The following MACROD2 variants were observed in gnomAD, a reference collection of about 807,000 sequenced individuals.
MACROD2 encodes the protein ADP-ribose glycohydrolase MACROD2.
MACROD2 carries 36 observed loss-of-function variants against 70.4 expected under a neutral mutation model. The ratio of observed to expected loss-of-function variants is 0.51; its 90% CI spans 0.39 to 0.68. MACROD2 has a LOEUF of 0.68. Among genes scored for constraint, MACROD2 ranks in the 30% least tolerant of loss-of-function variants. The pLI, the probability that MACROD2 is intolerant of heterozygous loss-of-function variation, is 0.00. For missense variants in MACROD2, 496 were observed against 538.4 expected, an observed-to-expected ratio of 0.92 and a Z score of 0.78; for synonymous variants, 172 against 178.8, an observed-to-expected ratio of 0.96 and a Z score of 0.30.
At chr20:15,040,317 G>GAAAA (rs11087118) in intron 5 of MACROD2, among the ~76,000 whole-genome samples, 1 of 140,600 alleles carries the variant, frequency 7.1e-6, no homozygotes, top group Non-Finnish European at 1.5e-5. Context: ...TCCGTCTCAG[G>GAAAA]AAAAAAAAAA....
intron 3 of MACROD2, among the ~76,000 whole-genome samples, chr20:14,270,242 C>T (rs537936351): frequency 3.2e-4 from 48 of 151,984 alleles, no homozygotes; most frequent in African/African-American, 9.9e-4. Context: ...TGTCTACATA[C>T]GTGTGTGTGT....
chr20:15,862,560 G>A (rs1044062542), intron 8 of MACROD2, among the ~76,000 whole-genome samples, 185 bp from the exon 9 acceptor site: 17 of 149,516 alleles, frequency 1.1e-4, no homozygotes, highest in South Asian at 8.5e-4. Context: ...GTACACACAC[G>A]CACACACACA....
chr20:15,725,316 A>G (rs1239993968), intron 8 of MACROD2, among the ~76,000 whole-genome samples: 3 of 152,072 alleles, frequency 2.0e-5, no homozygotes, highest in Non-Finnish European at 2.9e-5. Flanking sequence ...TGTTAGATTT[A>G]TATCTAAGTA....
intron 3 of MACROD2, among the ~76,000 whole-genome samples, chr20:14,225,795 A>AT (rs1462144460): frequency 1.3e-5 from 2 of 152,150 alleles, no homozygotes; most frequent in Non-Finnish European, 2.9e-5. Context: ...GATCCAAAAT[A>AT]TTTTTTTAAG....
At chr20:14,466,972 T>C (rs2084459362) in intron 3 of MACROD2, among the ~76,000 whole-genome samples, 1 of 152,182 alleles carries the variant, frequency 6.6e-6, no homozygotes, top group Non-Finnish European at 1.5e-5. Flanking sequence ...GTTAGGCTAC[T>C]CAGGGGTTGG....
chr20:14,034,747 G>T (rs771045862), intron 2 of MACROD2, among the ~76,000 whole-genome samples: 2 of 152,022 alleles, frequency 1.3e-5, no homozygotes, highest in Non-Finnish European at 2.9e-5. Context: ...GTTCTAAGTG[G>T]GTTGCATATT....
At chr20:14,732,589 A>G (rs149936374) in intron 5 of MACROD2, among the ~76,000 whole-genome samples, 1,934 of 152,254 alleles carry the variant, frequency 0.013, 52 homozygotes, top group African/African-American at 0.043. Flanking sequence ...TTTACCAGAA[A>G]TTAAAGTGGC....
intron 5 of MACROD2, among the ~76,000 whole-genome samples, chr20:15,171,314 CACT>C (rs1416068618): frequency 6.6e-6 from 1 of 151,438 alleles, no homozygotes; most frequent in Non-Finnish European, 1.5e-5. Flanking sequence ...CCTCCTCCAC[CACT>C]GTCTCTCTAG....
rs543845946 is a variant in MACROD2 at position 14,320,040 on chromosome 20, A to G, written c.272-173439A>G. On this transcript the variant is annotated intron_variant, in intron 3 of 17. Transcript: ENST00000684519. ...AAGGTCATGTTAATTTATTATCTAA[A>G]CTGGGTCACTGTGGAGGGTTGAAGA... 5.0e-4 allele frequency among the ~76,000 whole-genome samples: 76 copies of G among 152,184 alleles called. 1 individual carries two copies. Among genetic ancestry groups the G allele is most frequent in the Admixed American group, 7.9e-4 (12 of 15,264 alleles).
chr20:15,312,904 T>C (rs575680572), intron 6 of MACROD2, among the ~76,000 whole-genome samples: 188 of 152,288 alleles, frequency 1.2e-3, no homozygotes, highest in Non-Finnish European at 1.7e-3. Context: ...ACATATATAA[T>C]AAAAAATGAT....
chr20:14,942,343 C>T (rs1373663086), intron 5 of MACROD2, among the ~76,000 whole-genome samples: 6 of 151,678 alleles, frequency 4.0e-5, no homozygotes, highest in Admixed American at 1.3e-4. Context: ...TCCTTCTCCT[C>T]CTCCTTCTTT....
intron 3 of MACROD2, among the ~76,000 whole-genome samples, chr20:14,105,841 T>C (rs2054361452): frequency 6.6e-6 from 1 of 151,948 alleles, no homozygotes; most frequent in Non-Finnish European, 1.5e-5. Context: ...ATGGGCAGAG[T>C]TGTGAGGCCC....
chr20:15,217,328 T>C (rs1167237741), intron 5 of MACROD2, among the ~76,000 whole-genome samples: 2 of 152,190 alleles, frequency 1.3e-5, no homozygotes. Flanking sequence ...GGTACTCGAC[T>C]TGATGCTTTC....
intron 10 of MACROD2, among the ~76,000 whole-genome samples, chr20:15,910,983 G>A (rs2065228312): frequency 6.6e-6 from 1 of 152,004 alleles, no homozygotes; most frequent in Non-Finnish European, 1.5e-5. Flanking sequence ...CACCTCTCTG[G>A]GACAAAGATG....
At chr20:15,143,976 C>CCAG (rs2076212104) in intron 5 of MACROD2, among the ~76,000 whole-genome samples, 1 of 145,848 alleles carries the variant, frequency 6.9e-6, no homozygotes, top group African/African-American at 2.6e-5. Context: ...AAAAAAAAAA[C>CCAG]CTCATAATAT....
At chr20:14,523,422 G>T in intron 4 of MACROD2, 1 of 152,202 alleles carries the variant, frequency 6.6e-6, no homozygotes, top group Non-Finnish European at 1.5e-5. Context: ...CAGAATCAGA[G>T]ACCTCCAGCT....
At chr20:15,624,254 T>A (rs2049170400) in intron 8 of MACROD2, among the ~76,000 whole-genome samples, 1 of 152,206 alleles carries the variant, frequency 6.6e-6, no homozygotes. Flanking sequence ...TCTGCCTGCC[T>A]TTTCTAGCCA....
At chr20:14,669,613 TG>T (rs1200315619) in intron 4 of MACROD2, among the ~76,000 whole-genome samples, 11 of 152,192 alleles carry the variant, frequency 7.2e-5, no homozygotes, top group Non-Finnish European at 1.6e-4. Flanking sequence ...TCTCATTCTC[TG>T]ATAAAACAAA....
chr20:14,362,838 G>C (rs183063166), intron 3 of MACROD2, among the ~76,000 whole-genome samples: 10 of 152,146 alleles, frequency 6.6e-5, no homozygotes, highest in Admixed American at 5.2e-4. Flanking sequence ...TAAGAGCATA[G>C]ATAATAGTAA....
Sources: gnomAD v4.1 joint callset for allele counts (sites outside exome capture counted in the v4.1 genomes callset) on GRCh38, gnomAD v4.1.1 for gene constraint, MANE v1.5 for transcripts, NCBI Gene and HGNC (gene_info 2026-07-23, HGNC 2026-07-21) for gene names.